WDPCP: variants seen among roughly 807,000 people sequenced by gnomAD.
WDPCP encodes the protein WD repeat containing planar cell polarity effector.
In WDPCP, 71 loss-of-function variants were observed where a neutral mutation model predicts 93.1. The ratio of observed to expected loss-of-function variants is 0.76; its 90% confidence interval spans 0.63 to 0.93. The LOEUF is 0.93. Among genes scored for constraint, WDPCP ranks in the 40% least tolerant of loss-of-function variants. The probability of loss-of-function intolerance (pLI) is 0.00; values close to 1 mark genes in which losing one functional copy is unlikely to be tolerated. For missense variants in WDPCP, 844 were observed against 887.4 expected, an observed-to-expected ratio of 0.95 and a Z score of 0.62; for synonymous variants, 315 against 315.0, an observed-to-expected ratio of 1.00 and a Z score of 0.00.
At chr2:63,566,510 G>A (rs1366695158) in intron 1 of WDPCP, among the ~76,000 whole-genome samples, 2 of 152,196 alleles carry the variant, frequency 1.3e-5, no homozygotes, top group African/African-American at 2.4e-5. Context: ...TTGGGCACAT[G>A]TTGTCAGGAC....
At chr2:63,143,566 T>C (rs1671252959) in intron 17 of WDPCP, among the ~76,000 whole-genome samples, 1 of 152,322 alleles carries the variant, frequency 6.6e-6, no homozygotes. Context: ...AGGTTCTGTT[T>C]TGATGTGTTT....
At chr2:63,699,949 T>C (rs1669020117) in intron 2 of WDPCP, among the ~76,000 whole-genome samples, 1 of 152,066 alleles carries the variant, frequency 6.6e-6, no homozygotes, top group African/African-American at 2.4e-5. Flanking sequence ...TGTGAGGTTA[T>C]GTTTTATGAA....
intron 3 of WDPCP, among the ~76,000 whole-genome samples, chr2:63,637,295 T>G (rs1709930509): frequency 6.6e-6 from 1 of 150,690 alleles, no homozygotes; most frequent in Non-Finnish European, 1.5e-5. Context: ...GGGGTTGCAG[T>G]GAGCCGAGAT....
intron 1 of WDPCP, among the ~76,000 whole-genome samples, chr2:63,493,928 T>C (rs1412855281): frequency 6.6e-6 from 1 of 152,214 alleles, no homozygotes; most frequent in Admixed American, 6.5e-5. Context: ...CATATTTTAA[T>C]GGAGGAAAAA....
upstream of WDPCP, chr2:63,588,980 G>A: frequency 6.2e-7 from 1 of 1,612,626 alleles, no homozygotes; most frequent in Non-Finnish European, 8.5e-7. Flanking sequence ...TTCCGCGGTA[G>A]AGGTGACCTG....
intron 1 of WDPCP, among the ~76,000 whole-genome samples, chr2:63,585,999 T>A (rs1040537146): frequency 2.6e-5 from 4 of 152,050 alleles, no homozygotes; most frequent in Non-Finnish European, 4.4e-5. Context: ...GCTAATTTTT[T>A]AAAAATTTTT....
chr2:63,835,934 A>G, the WDPCP span, among the ~76,000 whole-genome samples: 55 of 152,300 alleles, frequency 3.6e-4, no homozygotes, highest in African/African-American at 1.2e-3. Context: ...AGCTCACTGC[A>G]AACTCCGCCT....
chr2:63,287,607 A>G (rs1016336437), intron 13 of WDPCP, among the ~76,000 whole-genome samples: 2 of 152,136 alleles, frequency 1.3e-5, no homozygotes, highest in Non-Finnish European at 2.9e-5. Context: ...TACAGTTTTC[A>G]ATAGATTCCT....
At chr2:63,183,915 T>C (rs1191804889) in intron 14 of WDPCP, among the ~76,000 whole-genome samples, 2 of 152,136 alleles carry the variant, frequency 1.3e-5, no homozygotes, top group Admixed American at 6.5e-5. Context: ...ATTAAAAGTC[T>C]GTTTTATCTG....
chr2:63,196,054 TAAGTA>T (rs1231852456), intron 14 of WDPCP, among the ~76,000 whole-genome samples: 1 of 152,234 alleles, frequency 6.6e-6, no homozygotes, highest in Non-Finnish European at 1.5e-5. Context: ...GTTTGTCTCT[TAAGTA>T]AATTGTGTAT....
At chr2:63,288,645 G>C (rs1306582981) in intron 13 of WDPCP, among the ~76,000 whole-genome samples, 1 of 152,076 alleles carries the variant, frequency 6.6e-6, no homozygotes, top group Non-Finnish European at 1.5e-5. Flanking sequence ...CCACAAATTA[G>C]GACATTCACT....
intron 3 of WDPCP, among the ~76,000 whole-genome samples, chr2:63,613,732 G>T (rs1013920882): frequency 2.9e-4 from 44 of 152,304 alleles, no homozygotes; most frequent in African/African-American, 1.0e-3. Flanking sequence ...GAACACTTCT[G>T]AATTAAAGGA....
In WDPCP at chr2:63,393,201, C is replaced by A. The variant is rs184359101; in HGVS notation, c.1435+10847G>T. On this transcript the variant is annotated intron_variant, in intron 10 of 17. Coordinates refer to ENST00000272321, the MANE Select transcript of WDPCP (RefSeq NM_015910.7). ...ACATATACACCATGGAATACTATGC[C>A]GCCATAAAAAAGGATGAGTTCATGT... is the stretch of plus-strand genomic sequence containing the variant. Among the ~76,000 whole-genome samples, 474 of 152,064 alleles carry A rather than the reference C, an allele frequency of 3.1e-3. 1 individual carries two copies. The highest frequency in any genetic ancestry group is 0.011 in the African/African-American group (443 of 41,486).
chr2:63,122,953 A>G (rs1160009204), intron 17 of WDPCP, among the ~76,000 whole-genome samples: 1 of 152,046 alleles, frequency 6.6e-6, no homozygotes. Context: ...TATTTTAAGT[A>G]GTCACATATC....
At chr2:63,182,476 C>T (rs533391639) in intron 14 of WDPCP, among the ~76,000 whole-genome samples, 3 of 152,112 alleles carry the variant, frequency 2.0e-5, no homozygotes, top group East Asian at 3.9e-4. Context: ...ACTATACTTG[C>T]ATCTTTGGAA....
chr2:63,372,735 A>G (rs916974112), intron 12 of WDPCP, among the ~76,000 whole-genome samples: 2 of 152,160 alleles, frequency 1.3e-5, no homozygotes, highest in Non-Finnish European at 2.9e-5. Context: ...ACACATTTAG[A>G]ATTGTTTTAT....
At chr2:63,279,381 G>A (rs1468836879) in intron 13 of WDPCP, among the ~76,000 whole-genome samples, 1 of 152,098 alleles carries the variant, frequency 6.6e-6, no homozygotes, top group East Asian at 1.9e-4. Flanking sequence ...CTCAATAAAT[G>A]CAGAAAAAGG....
chr2:63,315,447 A>AT (rs1252655620), intron 12 of WDPCP, among the ~76,000 whole-genome samples: 6 of 152,186 alleles, frequency 3.9e-5, no homozygotes, highest in African/African-American at 9.7e-5. Flanking sequence ...GCCCTCAATG[A>AT]TTTTTTAACA....
intron 13 of WDPCP, among the ~76,000 whole-genome samples, chr2:63,264,034 T>C (rs2699394): frequency 0.65 from 99,388 of 152,050 alleles, 34,951 homozygotes; most frequent in African/African-American, 0.9. Context: ...AATTTTGTAT[T>C]TGAAAATGTA....
Sources: gnomAD v4.1 joint callset for allele counts (sites outside exome capture counted in the v4.1 genomes callset) on GRCh38, gnomAD v4.1.1 for gene constraint, MANE v1.5 for transcripts, NCBI Gene and HGNC (gene_info 2026-07-23, HGNC 2026-07-21) for gene names.